Variants in DNM3 observed in about 807,000 individuals in gnomAD.
The protein encoded by DNM3 is dynamin 3.
In DNM3, 47 loss-of-function variants were observed where a neutral mutation model predicts 101.6. The observed-to-expected ratio is 0.46, with a 90% CI of 0.37 to 0.59. The LOEUF is 0.59. Among genes scored for constraint, DNM3 ranks in the 20% least tolerant of loss-of-function variants. The pLI, the probability that DNM3 is intolerant of heterozygous loss-of-function variation, is 0.00. For synonymous variants in DNM3, 385 were observed against 387.9 expected (o/e 0.99, Z 0.09); for missense variants, 849 against 1,085.7 (o/e 0.78, Z 3.06).
At chr1:172,356,423 C>G (rs1264811243) in intron 17 of DNM3, among the ~76,000 whole-genome samples, 1 of 152,018 alleles carries the variant, frequency 6.6e-6, no homozygotes, top group Non-Finnish European at 1.5e-5. Flanking sequence ...ATAAAACAAT[C>G]AGGAAAAAAC....
intron 15 of DNM3, among the ~76,000 whole-genome samples, chr1:172,295,698 A>C (rs1365995862): frequency 6.6e-6 from 1 of 152,208 alleles, no homozygotes; most frequent in East Asian, 1.9e-4. Flanking sequence ...ATTGTATCTC[A>C]AAATGATAAA....
chr1:171,937,585 T>C (rs2041524785), intron 2 of DNM3, among the ~76,000 whole-genome samples: 1 of 152,194 alleles, frequency 6.6e-6, no homozygotes, highest in Non-Finnish European at 1.5e-5. Context: ...TATTTATTTA[T>C]TTGAGACACG....
At chr1:172,119,235 G>T (rs370876279) in intron 13 of DNM3, among the ~76,000 whole-genome samples, 1 of 151,738 alleles carries the variant, frequency 6.6e-6, no homozygotes, top group African/African-American at 2.4e-5. Context: ...CAGGTGGTCC[G>T]CCCGCCTCAG....
At chr1:172,133,172 GTCTGGC>G (rs2148093755) in intron 14 of DNM3, 1 of 1,312,200 alleles carries the variant, frequency 7.6e-7, no homozygotes, top group South Asian at 2.3e-5. Flanking sequence ...TGTGGCATTA[GTCTGGC>G]TCTGTGAGTC....
chr1:172,308,928 G>C (rs750142775), intron 16 of DNM3, 89 bp downstream of exon 16: 13 of 653,030 alleles, frequency 2.0e-5, no homozygotes, highest in South Asian at 2.9e-5. Context: ...GGAGAAACTA[G>C]TTTTCTTACT....
rs923387281 is a variant in DNM3, at chr1:172,408,368, T to A, written c.*527T>A. On this transcript the variant is annotated 3_prime_UTR_variant, in exon 21 of 21. Transcript: ENST00000627582. ...ATAAGACTGCTAGGAAGTGATTTTTTAAAATTAGGACTCCTTAAGAATAAA... is the reference window on the plus strand; with the variant it reads ...ATAAGACTGCTAGGAAGTGATTTTTAAAAATTAGGACTCCTTAAGAATAAA... 4.1e-6 allele frequency: 4 copies of A among 986,264 alleles called. No homozygotes were observed. In the African/African-American group the frequency reaches 5.2e-5, roughly 13 times the overall value. The allele number at this position is 986,264 out of a possible 1,614,324, so 61.1% of individuals were successfully genotyped here.
chr1:172,275,921 G>A (rs918707912), intron 15 of DNM3, among the ~76,000 whole-genome samples: 5 of 152,120 alleles, frequency 3.3e-5, no homozygotes, highest in Non-Finnish European at 5.9e-5. Flanking sequence ...CGCATTCTGC[G>A]TTGTCTTTCC....
chr1:171,893,912 T>A (rs1174828888), intron 1 of DNM3, among the ~76,000 whole-genome samples: 2 of 151,970 alleles, frequency 1.3e-5, no homozygotes, highest in East Asian at 3.8e-4. Flanking sequence ...AACTACATAG[T>A]TATATATATA....
At chr1:172,377,437 G>T (rs1198173114) in intron 17 of DNM3, among the ~76,000 whole-genome samples, 1 of 151,522 alleles carries the variant, frequency 6.6e-6, no homozygotes, top group Non-Finnish European at 1.5e-5. Flanking sequence ...GAATGTTTTA[G>T]ATCAGAGAGA....
At chr1:172,118,418 C>T (rs367614559) in intron 13 of DNM3, among the ~76,000 whole-genome samples, 1 of 152,254 alleles carries the variant, frequency 6.6e-6, no homozygotes, top group African/African-American at 2.4e-5. Context: ...TGCTCTATAG[C>T]TTTAATTTGA....
At chr1:172,243,066 AAGG>A (rs1287692530) in intron 14 of DNM3, among the ~76,000 whole-genome samples, 11 of 152,060 alleles carry the variant, frequency 7.2e-5, no homozygotes, top group Admixed American at 1.3e-4. Flanking sequence ...GGTTTGGGAG[AAGG>A]AGAAGAGATA....
intron 13 of DNM3, among the ~76,000 whole-genome samples, chr1:172,124,328 C>G (rs532626854): frequency 8.8e-4 from 134 of 152,308 alleles, no homozygotes; most frequent in African/African-American, 2.6e-3. Context: ...CATCTATGTG[C>G]ATACTCTTGG....
intron 4 of DNM3, among the ~76,000 whole-genome samples, chr1:172,017,369 G>GGAAT (rs2047518014): frequency 6.6e-6 from 1 of 151,778 alleles, no homozygotes; most frequent in Non-Finnish European, 1.5e-5. Context: ...CAATGCTTTT[G>GGAAT]TTGCATTCCA....
chr1:172,101,686 C>T (rs2054651071), intron 13 of DNM3, among the ~76,000 whole-genome samples: 1 of 152,096 alleles, frequency 6.6e-6, no homozygotes, highest in South Asian at 2.1e-4. Context: ...CTTGCCCAGT[C>T]ACACAGATCA....
chr1:171,995,920 C>A (rs1375239316), intron 4 of DNM3, among the ~76,000 whole-genome samples: 1 of 152,052 alleles, frequency 6.6e-6, no homozygotes, highest in Non-Finnish European at 1.5e-5. Flanking sequence ...TAAATTAAAT[C>A]TTTTTGACAA....
At chr1:172,076,171 C>T (rs2052631041) in intron 11 of DNM3, among the ~76,000 whole-genome samples, 1 of 152,134 alleles carries the variant, frequency 6.6e-6, no homozygotes, top group Admixed American at 6.6e-5. Context: ...TTTTTGTATC[C>T]TGAGACTTTG....
intron 1 of DNM3, among the ~76,000 whole-genome samples, chr1:171,865,515 C>CAAAAAAAAAAAAAAAAAAAA (rs57826674): frequency 2.5e-5 from 2 of 80,664 alleles, no homozygotes; most frequent in Non-Finnish European, 2.3e-5. Flanking sequence ...GATCCTGTCT[C>CAAAAAAAAAAAAAAAAAAAA]AAAAAAAAAA....
intron 17 of DNM3, among the ~76,000 whole-genome samples, chr1:172,377,078 C>T (rs1031050167): frequency 1.3e-5 from 2 of 151,998 alleles, no homozygotes; most frequent in Non-Finnish European, 2.9e-5. Flanking sequence ...TCTCCTTTAG[C>T]TCAATTATTT....
chr1:172,395,938 C>T (rs1413580292), intron 20 of DNM3, among the ~76,000 whole-genome samples: 1 of 152,148 alleles, frequency 6.6e-6, no homozygotes, highest in Non-Finnish European at 1.5e-5. Context: ...ATTGATGCCA[C>T]ATTAAGTATT....
Sources: gnomAD v4.1 joint callset for allele counts (sites outside exome capture counted in the v4.1 genomes callset) on GRCh38, gnomAD v4.1.1 for gene constraint, MANE v1.5 for transcripts, NCBI Gene and HGNC (gene_info 2026-07-23, HGNC 2026-07-21) for gene names.